The following CSMD1 variants were observed in gnomAD, a reference collection of about 807,000 sequenced individuals.
The protein encoded by CSMD1 is CUB and sushi domain-containing protein 1.
In CSMD1, 213 loss-of-function variants were observed where a neutral mutation model predicts 417.5. That is an observed-to-expected ratio of 0.51 (90% confidence interval 0.46 to 0.57). The LOEUF (loss-of-function observed/expected upper bound fraction) is 0.57. Among genes scored for constraint, CSMD1 ranks in the 20% least tolerant of loss-of-function variants. The pLI is 0.00. For synonymous variants in CSMD1, 2,862 were observed against 1,736.8 expected (o/e 1.65, Z -16.11); for missense variants, 6,923 against 4,529.7 (o/e 1.53, Z -15.17).
At chr8:4,470,403 C>G (rs1306121589) in intron 2 of CSMD1, among the ~76,000 whole-genome samples, 5 of 152,180 alleles carry the variant, frequency 3.3e-5, no homozygotes, top group Non-Finnish European at 5.9e-5. Context: ...GTAGAATTAT[C>G]ACCTGACAAT....
intron 1 of CSMD1, among the ~76,000 whole-genome samples, chr8:4,832,960 G>A (rs7018016): frequency 0.84 from 128,293 of 152,112 alleles, 55,082 homozygotes; most frequent in East Asian, 0.97. Context: ...TTTCATCAAG[G>A]AAATTCCTGG....
chr8:4,236,035 G>GTTTTTTTTTTTTTTTT (rs869046913), intron 3 of CSMD1, among the ~76,000 whole-genome samples: 5 of 112,648 alleles, frequency 4.4e-5, no homozygotes, highest in African/African-American at 1.9e-4. Context: ...TGTTTTTTTT[G>GTTTTTTTTTTTTTTTT]TTTGTTTTTT....
chr8:3,910,276 C>G (rs1808379516), intron 5 of CSMD1, among the ~76,000 whole-genome samples: 1 of 152,122 alleles, frequency 6.6e-6, no homozygotes, highest in South Asian at 2.1e-4. Context: ...AGCTGCTCAG[C>G]TCTCTCACCA....
At chr8:4,092,025 C>T (rs991665392) in intron 3 of CSMD1, among the ~76,000 whole-genome samples, 1 of 152,072 alleles carries the variant, frequency 6.6e-6, no homozygotes, top group African/African-American at 2.4e-5. Context: ...TATTACGTAG[C>T]ACATATCACA....
chr8:3,659,571 G>A (rs775164619), intron 7 of CSMD1, among the ~76,000 whole-genome samples: 1 of 152,098 alleles, frequency 6.6e-6, no homozygotes, highest in Non-Finnish European at 1.5e-5. Flanking sequence ...TATCATATTA[G>A]CAAAAATGAT....
intron 7 of CSMD1, among the ~76,000 whole-genome samples, chr8:3,637,499 T>C (rs1474576976): frequency 6.6e-6 from 1 of 152,210 alleles, no homozygotes; most frequent in Non-Finnish European, 1.5e-5. Context: ...TCTTTGACTA[T>C]AATAAAATAT....
intron 5 of CSMD1, among the ~76,000 whole-genome samples, chr8:3,964,835 T>C (rs1225524480): frequency 2.0e-5 from 3 of 152,208 alleles, no homozygotes; most frequent in African/African-American, 4.8e-5. Flanking sequence ...TACACGGTTA[T>C]TCACTTAGTG....
At chr8:4,340,518 T>G (rs1800415156) in intron 3 of CSMD1, among the ~76,000 whole-genome samples, 1 of 152,050 alleles carries the variant, frequency 6.6e-6, no homozygotes, top group Non-Finnish European at 1.5e-5. Flanking sequence ...TGGTTAGACT[T>G]TATTATATGT....
At chr8:3,104,456 G>T (rs149283138) in intron 46 of CSMD1, among the ~76,000 whole-genome samples, 1 of 152,196 alleles carries the variant, frequency 6.6e-6, no homozygotes, top group East Asian at 1.9e-4. Context: ...AGACGAGCAG[G>T]CCAAGGGTCT....
chr8:3,827,101 T>C (rs1168775880), intron 5 of CSMD1, among the ~76,000 whole-genome samples: 1 of 152,204 alleles, frequency 6.6e-6, no homozygotes, highest in Non-Finnish European at 1.5e-5. Context: ...ATCTTCTCTA[T>C]TTTAGATGTA....
At chr8:4,774,998 T>G (rs1310851307) in intron 1 of CSMD1, among the ~76,000 whole-genome samples, 2 of 152,162 alleles carry the variant, frequency 1.3e-5, no homozygotes, top group Non-Finnish European at 2.9e-5. Context: ...GCCTCAGGTA[T>G]TTCTTTAAAG....
At position 4,654,492 on chromosome 8, in the gene CSMD1, G is replaced by A. The variant is rs146738348; in HGVS notation, c.86-16934C>T. Among the ~76,000 whole-genome samples, 816 of 152,180 alleles carry A rather than the reference G, an allele frequency of 5.4e-3. 9 individuals are homozygous for A. The highest frequency in any genetic ancestry group is 5.3e-3 in the African/African-American group (219 of 41,474). On this transcript the variant is annotated intron_variant, in intron 1 of 69. Coordinates refer to ENST00000635120, the MANE Select transcript of CSMD1 (RefSeq NM_033225.6). ...GCCTTTCTCTCTCCACCCTGGAAAC[G>A]AAGTACCAGGCAATGCATATACTTC... is the stretch of plus-strand genomic sequence containing the variant.
intron 1 of CSMD1, among the ~76,000 whole-genome samples, chr8:4,791,588 G>A (rs1182224901): frequency 6.6e-6 from 1 of 152,172 alleles, no homozygotes; most frequent in Non-Finnish European, 1.5e-5. Context: ...GAGGAAATCT[G>A]AAGCAGGACC....
At chr8:3,968,829 C>G (rs1017910427) in intron 5 of CSMD1, among the ~76,000 whole-genome samples, 4 of 152,138 alleles carry the variant, frequency 2.6e-5, no homozygotes, top group African/African-American at 9.7e-5. Flanking sequence ...CAGTATAGGA[C>G]AAGATTTGGC....
intron 1 of CSMD1, among the ~76,000 whole-genome samples, chr8:4,705,679 A>G (rs1408508518): frequency 2.6e-5 from 4 of 152,190 alleles, no homozygotes; most frequent in African/African-American, 9.7e-5. Context: ...TGTCATATGA[A>G]TATCACTCTT....
At chr8:4,506,488 T>C (rs1802533845) in intron 2 of CSMD1, among the ~76,000 whole-genome samples, 1 of 152,054 alleles carries the variant, frequency 6.6e-6, no homozygotes, top group African/African-American at 2.4e-5. Context: ...CCCCTCTTCA[T>C]TCAGAAACAA....
intron 11 of CSMD1, among the ~76,000 whole-genome samples, chr8:3,478,578 T>C (rs1817557643): frequency 6.6e-6 from 1 of 152,144 alleles, no homozygotes; most frequent in Non-Finnish European, 1.5e-5. Context: ...TGGGGTGACT[T>C]GTGGCCGATC....
intron 10 of CSMD1, among the ~76,000 whole-genome samples, chr8:3,556,745 A>G (rs1299718963): frequency 6.6e-6 from 1 of 151,948 alleles, no homozygotes; most frequent in Non-Finnish European, 1.5e-5. Context: ...TCAAAGCTTT[A>G]TTAGCTTTCA....
chr8:4,812,734 C>A (rs1339900071), intron 1 of CSMD1, among the ~76,000 whole-genome samples: 1 of 152,164 alleles, frequency 6.6e-6, no homozygotes, highest in Non-Finnish European at 1.5e-5. Context: ...AATTGCCTTT[C>A]TTCACAAAGC....
Sources: gnomAD v4.1 joint callset for allele counts (sites outside exome capture counted in the v4.1 genomes callset) on GRCh38, gnomAD v4.1.1 for gene constraint, MANE v1.5 for transcripts, NCBI Gene and HGNC (gene_info 2026-07-23, HGNC 2026-07-21) for gene names.